Variants in CYP11A1 observed in about 807,000 individuals in gnomAD.
CYP11A1 encodes the protein cholesterol side-chain cleavage enzyme, mitochondrial.
A neutral mutation model predicts 51.9 loss-of-function variants in CYP11A1; 25 were observed. That is an observed-to-expected ratio of 0.48 (90% confidence interval 0.35 to 0.67). The LOEUF (loss-of-function observed/expected upper bound fraction) is 0.67, where lower values mean the gene tolerates loss of function less well. CYP11A1 is among the 30% of genes least tolerant of loss of function. The pLI is 0.00. For missense variants in CYP11A1, 578 were observed against 680.9 expected (o/e 0.85, Z 1.68); for synonymous variants, 245 against 262.1 (o/e 0.93, Z 0.63).
intron 1 of CYP11A1, among the ~76,000 whole-genome samples, chr15:74,348,401 C>T (rs1236093431): frequency 2.0e-5 from 3 of 152,210 alleles, no homozygotes; most frequent in African/African-American, 4.8e-5. Context: ...AAGTCCTCCA[C>T]TCCTTGCGCA....
intron 1 of CYP11A1, chr15:74,356,300 G>A (rs1221942904): frequency 6.6e-6 from 1 of 152,252 alleles, no homozygotes; most frequent in African/African-American, 2.4e-5. Flanking sequence ...CTGGAAACTG[G>A]ACTGTCCAAC....
intron 2 of CYP11A1, 57 bp downstream of exon 2, chr15:74,347,843 C>T (rs559339477): frequency 6.3e-7 from 1 of 1,597,164 alleles, no homozygotes; most frequent in African/African-American, 1.3e-5. Context: ...AGCCTCTGCC[C>T]TCTCCACAGC....
At chr15:74,356,746 A>G (rs1217845866) in intron 1 of CYP11A1, among the ~76,000 whole-genome samples, 2 of 152,066 alleles carry the variant, frequency 1.3e-5, no homozygotes, top group Non-Finnish European at 2.9e-5. Flanking sequence ...CTACAGCCAC[A>G]CCTTATTGCC....
In CYP11A1 at chr15:74,339,752, G is replaced by T; in HGVS notation, c.992C>A (p.Thr331Lys). The change falls in exon 6 of 9, where the codon ACG (threonine) becomes AAG (lysine). Residue 331 changes from threonine (T) to lysine (K), a missense_variant and splice_region_variant. Transcript: ENST00000268053. Reference sequence around the variant, plus strand: ...CAAGTGCCACTGCAGGGTCATGGACGTCTGGTGGGGAGTAGGGTATACAGA... The same window carrying T: ...CAAGTGCCACTGCAGGGTCATGGACTTCTGGTGGGGAGTAGGGTATACAGA... ...TEMLAGGVDT[T>K]SMTLQWHLYE... The T allele has an allele frequency of 1.2e-6, 2 of 1,614,116 alleles. No homozygotes were observed. Among genetic ancestry groups the T allele is most frequent in the South Asian group, 1.1e-5 (1 of 91,088 alleles).
rs202136761 is a variant in CYP11A1 at position 74,351,167 on chromosome 15, G to GT, written c.270-3113dup. On this transcript the variant is annotated intron_variant, in intron 1 of 8. Coordinates refer to ENST00000268053, the MANE Select transcript of CYP11A1 (RefSeq NM_000781.3). ...CTTAAGGGACCTGGGTCTTTTTTAT[G>GT]TTTTTTTTCTCTTTTTTTGTCTCTT... Among the ~76,000 whole-genome samples, 1,044 of 151,950 alleles carry GT rather than the reference G, an allele frequency of 6.9e-3. 11 individuals are homozygous for GT. Among genetic ancestry groups the GT allele is most frequent in the African/African-American group, 0.023 (943 of 41,428 alleles).
Position 74,343,084 on chromosome 15 carries a change from G to T in CYP11A1, c.883C>A (p.His295Asn), listed in dbSNP as rs1340214886. 4 of 1,613,814 alleles carry T rather than the reference G, an allele frequency of 2.5e-6. No homozygotes were observed. The highest frequency in any genetic ancestry group is 3.4e-6 in the Non-Finnish European group (4 of 1,180,032). ...YWELRQKGSV[H>N]HDYRGILYRL... is the part of the protein sequence containing the mutation. The stretch of plus-strand genomic sequence containing the variant: ...TAGAGGATGCCACGGTAATCGTGGT[G>T]AACACTTCCTTTCTGTCTCAATTCC... Residue 295 changes from histidine to asparagine, a missense_variant, in exon 5 of 9, where the codon CAC (histidine) becomes AAC (asparagine). Physicochemically the swap from His to Asn is moderately conservative, Grantham distance 68. Transcript: ENST00000268053.
intron 1 of CYP11A1, chr15:74,362,340 T>G: frequency 4.7e-6 from 1 of 214,066 alleles, no homozygotes; most frequent in Non-Finnish European, 9.4e-6. Flanking sequence ...TATAAAGGGA[T>G]TTCATTCCAT....
At chr15:74,359,669 CT>C (rs1165914516) in intron 1 of CYP11A1, 9 of 152,276 alleles carry the variant, frequency 5.9e-5, no homozygotes, top group Admixed American at 1.3e-4. Flanking sequence ...GGCCCCACCC[CT>C]ATCTCCCTTC....
chr15:74,342,764 A>T (rs58712424), intron 5 of CYP11A1, among the ~76,000 whole-genome samples: 3 of 152,162 alleles, frequency 2.0e-5, no homozygotes, highest in Non-Finnish European at 4.4e-5. Context: ...AAAGAAAAAT[A>T]GCTGATCATC....
chr15:74,350,245 C>G, intron 1 of CYP11A1: 1 of 265,096 alleles, frequency 3.8e-6, no homozygotes, highest in Non-Finnish European at 8.1e-6. Flanking sequence ...TCTGTATTTT[C>G]TAAATTGCTC....
chr15:74,342,958 G>C lies in CYP11A1; in HGVS notation c.990+19C>G. ...TGGGCACAGGGGGCAACAAGGTGCC[G>C]CCCCTACAGCCACCTCACCGTGTCC... On this transcript the variant is annotated intron_variant, in intron 5 of 8. Coordinates refer to ENST00000268053, the MANE Select transcript of CYP11A1 (RefSeq NM_000781.3). 4 of 1,611,896 alleles carry C rather than the reference G, an allele frequency of 2.5e-6. No individual in the cohort carries two copies. Among genetic ancestry groups the C allele is most frequent in the African/African-American group, 1.3e-5 (1 of 74,962 alleles).
chr15:74,360,225 C>G (rs1055236542), intron 1 of CYP11A1, among the ~76,000 whole-genome samples: 2 of 152,146 alleles, frequency 1.3e-5, no homozygotes, highest in African/African-American at 4.8e-5. Flanking sequence ...ATGCCCCTAG[C>G]TGTGCTGGAA....
In CYP11A1 at chr15:74,367,550, C is replaced by T. The variant is rs748869364; in HGVS notation, c.36G>A (p.Leu12=). 1.2e-6 allele frequency: 2 copies of T among 1,613,992 alleles called. No individual in the cohort carries two copies. The highest frequency in any genetic ancestry group is 1.3e-5 in the African/African-American group (1 of 74,924). The change falls in exon 1 of 9, where the codon CTG becomes CTA. Residue 12 remains leucine (L), a synonymous_variant. Coordinates refer to ENST00000268053, the MANE Select transcript of CYP11A1 (RefSeq NM_000781.3). The stretch of plus-strand genomic sequence containing the variant: ...TCAGAAAGGTCTGGCAGCCTTTGAC[C>T]AGGACTGAGCGTGGGGGAAGACCCT... ...LAKGLPPRSV[L]VKGCQTFLSA... is the part of the protein sequence containing the mutation.
intron 4 of CYP11A1, 57 bp downstream of exon 4, chr15:74,343,732 G>A: frequency 6.7e-7 from 1 of 1,492,314 alleles, no homozygotes; most frequent in Non-Finnish European, 9.3e-7. Flanking sequence ...GTGGGACAAA[G>A]GAGCCGGCTG....
At chr15:74,365,184 C>A (rs1323018837) in intron 1 of CYP11A1, among the ~76,000 whole-genome samples, 1 of 152,110 alleles carries the variant, frequency 6.6e-6, no homozygotes, top group Non-Finnish European at 1.5e-5. Flanking sequence ...GCGCCACCTC[C>A]GTTCCCTCTC....
intron 1 of CYP11A1, chr15:74,366,782 C>G (rs1288520608): frequency 6.2e-6 from 1 of 160,244 alleles, no homozygotes; most frequent in Non-Finnish European, 1.4e-5. Flanking sequence ...ATGGTGCGAT[C>G]TCGGCTCACT....
chr15:74,343,936 G>C lies in CYP11A1; in HGVS notation c.682C>G (p.Pro228Ala). 1.9e-6 allele frequency: 3 copies of C among 1,614,126 alleles called. No individual in the cohort carries two copies. The highest frequency in any genetic ancestry group is 2.5e-6 in the Non-Finnish European group (3 of 1,180,024). ...GCATCAATGAATCGCTGGGCCTCGG[G>C]GTTCACTACTTCCTCCAGCATCCCC... The part of the protein sequence containing the change: ...RQGMLEEVVN[P>A]EAQRFIDAIY... The change falls in exon 4 of 9, where the codon CCC becomes GCC. Residue 228 changes from proline (P) to alanine (A), a missense_variant. Coordinates refer to ENST00000268053, the MANE Select transcript of CYP11A1 (RefSeq NM_000781.3).
intron 1 of CYP11A1, among the ~76,000 whole-genome samples, chr15:74,357,613 G>A (rs940805962): frequency 2.0e-5 from 3 of 152,144 alleles, no homozygotes; most frequent in African/African-American, 7.2e-5. Context: ...AGCCCTAGAA[G>A]CTGCTCCCAC....
chr15:74,359,019 T>C (rs578166535), intron 1 of CYP11A1, among the ~76,000 whole-genome samples: 27 of 152,322 alleles, frequency 1.8e-4, no homozygotes, highest in African/African-American at 6.5e-4. Flanking sequence ...CCTTGGGCAC[T>C]CTCTAATCGG....
Sources: allele counts gnomAD v4.1 joint callset (sites outside exome capture counted in the v4.1 genomes callset), GRCh38; gene constraint gnomAD v4.1.1; transcripts MANE v1.5; gene names NCBI Gene and HGNC (gene_info 2026-07-23, HGNC 2026-07-21).